The following PARP16 variants were observed in gnomAD, a reference collection of about 807,000 sequenced individuals.
PARP16 encodes poly(ADP-ribose) polymerase family member 16.
PARP16 carries 31 observed loss-of-function variants against 35.0 expected under a neutral mutation model. That is an observed-to-expected ratio of 0.88 (90% confidence interval 0.66 to 1.19). The LOEUF (loss-of-function observed/expected upper bound fraction) is 1.19, where lower values mean the gene tolerates loss of function less well. Among genes scored for constraint, PARP16 ranks in the 50% most tolerant of loss-of-function variants. The probability of loss-of-function intolerance (pLI) is 0.00; values close to 1 mark genes in which losing one functional copy is unlikely to be tolerated. For missense variants in PARP16, 424 were observed against 411.2 expected (o/e 1.03, Z -0.27); for synonymous variants, 162 against 169.5 (o/e 0.96, Z 0.34).
At chr15:65,280,064 T>G (rs911530003) in intron 1 of PARP16, among the ~76,000 whole-genome samples, 9 of 151,842 alleles carry the variant, frequency 5.9e-5, no homozygotes, top group African/African-American at 2.2e-4. Flanking sequence ...CCAATAATAA[T>G]AATAATAACG....
At chr15:65,249,563 G>A (rs890261267) in intron 2 of PARP16, among the ~76,000 whole-genome samples, 1 of 152,234 alleles carries the variant, frequency 6.6e-6, no homozygotes, top group Non-Finnish European at 1.5e-5. Context: ...GGTGGACGAA[G>A]GGCTGCAGCC....
At chr15:65,267,630 TA>T (rs2089945875) in intron 2 of PARP16, among the ~76,000 whole-genome samples, 2 of 52,054 alleles carry the variant, frequency 3.8e-5, no homozygotes, top group Admixed American at 2.4e-4. Flanking sequence ...ATTAATTAAT[TA>T]AATAATAATT....
At chr15:65,262,041 T>C (rs1339853300) in intron 4 of PARP16, among the ~76,000 whole-genome samples, 1 of 152,086 alleles carries the variant, frequency 6.6e-6, no homozygotes. Flanking sequence ...GACCTGGGCC[T>C]GCATCTCAGA....
intron 1 of PARP16, among the ~76,000 whole-genome samples, chr15:65,276,965 A>C (rs1595714420): frequency 1.3e-5 from 2 of 151,594 alleles, no homozygotes; most frequent in African/African-American, 4.8e-5. Flanking sequence ...CTGGGCAACA[A>C]GAGTCAAACT....
downstream of PARP16, among the ~76,000 whole-genome samples, chr15:65,253,309 AT>A (rs1400037254): frequency 2.7e-5 from 4 of 150,874 alleles, no homozygotes; most frequent in East Asian, 3.9e-4. Flanking sequence ...TTGTCAATGC[AT>A]TTTTTTTCTC....
chr15:65,261,623 T>C (rs1313417602), intron 4 of PARP16, among the ~76,000 whole-genome samples: 1 of 151,578 alleles, frequency 6.6e-6, no homozygotes, highest in Admixed American at 6.6e-5. Context: ...GCCCGGCTAA[T>C]TTTTGTATTT....
intron 3 of PARP16, among the ~76,000 whole-genome samples, chr15:65,247,792 A>ATTGTTCT: frequency 7.3e-6 from 1 of 137,076 alleles, no homozygotes; most frequent in Admixed American, 7.3e-5. Context: ...AGACCAATGG[A>ATTGTTCT]TTGTTCTTTT....
chr15:65,240,305 TGTGTGGTG>T (rs2089024536), intron 3 of PARP16, among the ~76,000 whole-genome samples: 2 of 74,746 alleles, frequency 2.7e-5, no homozygotes, highest in Middle Eastern at 5.3e-3. Flanking sequence ...AGTGTGTGTG[TGTGTGGTG>T]GGGGGGGCTA....
intron 2 of PARP16, among the ~76,000 whole-genome samples, chr15:65,249,478 G>C (rs772237568): frequency 1.3e-5 from 2 of 152,202 alleles, no homozygotes. Flanking sequence ...GAAATGTCTC[G>C]TTCAACCTGG....
chr15:65,241,918 C>G (rs1449865304), intron 3 of PARP16, among the ~76,000 whole-genome samples: 1 of 151,908 alleles, frequency 6.6e-6, no homozygotes, highest in Non-Finnish European at 1.5e-5. Context: ...GTTTATAAAC[C>G]TTTTCACTGA....
At chr15:65,242,730 T>A (rs1004025530) in intron 3 of PARP16, among the ~76,000 whole-genome samples, 2 of 152,168 alleles carry the variant, frequency 1.3e-5, no homozygotes, top group Non-Finnish European at 2.9e-5. Flanking sequence ...TTATTTATTT[T>A]TTGAGATGGA....
chr15:65,231,139 C>T (rs1262556176), downstream of PARP16, among the ~76,000 whole-genome samples: 1 of 152,096 alleles, frequency 6.6e-6, no homozygotes, highest in African/African-American at 2.4e-5. Flanking sequence ...CTCCCTGCCT[C>T]AGCCTCCCAA....
rs565395093 is a variant in PARP16, at chr15:65,263,299, T to C, written c.541A>G (p.Thr181Ala). The change falls in exon 4 of 6, where the codon ACC becomes GCC. Residue 181 changes from threonine to alanine, a missense_variant. Physicochemically the swap from Thr to Ala is moderately conservative, Grantham distance 58. Coordinates refer to ENST00000649807, the MANE Select transcript of PARP16 (RefSeq NM_001316943.2). ...LNKTSLFGEG[T>A]YLTSDLSLAL... ...AGGCTCAAGTCACTGGTGAGGTAGG[T>C]CCCCTCTCCGAACAAGGATGTCTGC... 12 of 1,597,764 alleles carry C rather than the reference T, an allele frequency of 7.5e-6. No individual in the cohort carries two copies. The East Asian group carries it at 1.6e-4, about 21-fold the overall frequency.
chr15:65,240,363 T>TGTGTGTGTGTGTGTG (rs2089035686), intron 3 of PARP16, among the ~76,000 whole-genome samples: 4 of 142,684 alleles, frequency 2.8e-5, no homozygotes, highest in African/African-American at 1.1e-4. Context: ...TGTGTGTGTG[T>TGTGTGTGTGTGTGTG]TGGGATTACA....
At position 65,286,463 on chromosome 15, in the gene PARP16, G is replaced by GT. The variant is rs751385143; in HGVS notation, c.-38dup. 6.0e-5 allele frequency: 85 copies of GT among 1,418,334 alleles called. No individual in the cohort carries two copies. The highest frequency in any genetic ancestry group is 7.7e-5 in the Non-Finnish European group (84 of 1,084,850). 87.9% of individuals were successfully genotyped at this position (1,418,334 alleles called of 1,614,324 possible). A position where few individuals can be genotyped will look rare whatever the true frequency, so the allele number is the denominator to read the frequency against. On this transcript the variant is annotated 5_prime_UTR_variant, in exon 1 of 6. Coordinates refer to ENST00000649807, the MANE Select transcript of PARP16 (RefSeq NM_001316943.2). ...GCGCGTTGCCGGGGTAGACGCGCTG[G>GT]TTAGGGGCAAGGGCGAGCGTGCGTT...
At chr15:65,237,729 G>A (rs534047146) in intron 3 of PARP16, among the ~76,000 whole-genome samples, 10 of 152,310 alleles carry the variant, frequency 6.6e-5, no homozygotes, top group African/African-American at 2.4e-4. Context: ...GTCTGATCTT[G>A]AACTTCTGGC....
chr15:65,273,156 T>C (rs1051005804), intron 1 of PARP16, among the ~76,000 whole-genome samples: 2 of 151,746 alleles, frequency 1.3e-5, no homozygotes, highest in Admixed American at 1.3e-4. Flanking sequence ...CATGTGCCTG[T>C]AGTCCCAGCT....
chr15:65,260,656 A>G (rs2089679596), intron 5 of PARP16, among the ~76,000 whole-genome samples: 1 of 152,130 alleles, frequency 6.6e-6, no homozygotes, highest in Non-Finnish European at 1.5e-5. Context: ...CTCTCATGCT[A>G]TTTGTGTTTA....
At chr15:65,240,309 T>TGGG (rs34983139) in intron 3 of PARP16, among the ~76,000 whole-genome samples, 3 of 86,574 alleles carry the variant, frequency 3.5e-5, no homozygotes, top group South Asian at 4.8e-4. Flanking sequence ...TGTGTGTGTG[T>TGGG]GGTGGGGGGG....
Sources: allele counts gnomAD v4.1 joint callset (sites outside exome capture counted in the v4.1 genomes callset), GRCh38; gene constraint gnomAD v4.1.1; transcripts MANE v1.5; gene names NCBI Gene and HGNC (gene_info 2026-07-23, HGNC 2026-07-21).